The following MACROD2 variants were observed in gnomAD, a reference collection of about 807,000 sequenced individuals.
MACROD2 encodes the protein mono-ADP ribosylhydrolase 2.
Under a neutral mutation model 70.4 loss-of-function variants are expected in MACROD2, and 36 were observed. The observed-to-expected ratio is 0.51, with a 90% CI of 0.39 to 0.68. MACROD2 has a LOEUF of 0.68. Ranked by LOEUF, MACROD2 falls within the 30% of genes least tolerant of loss-of-function variation. The pLI is 0.00. For missense variants in MACROD2, 496 were observed against 538.4 expected (o/e 0.92, Z 0.78); for synonymous variants, 172 against 178.8 (o/e 0.96, Z 0.30).
At chr20:14,427,473 ATAT>A (rs1475648227) in intron 3 of MACROD2, among the ~76,000 whole-genome samples, 2 of 151,054 alleles carry the variant, frequency 1.3e-5, no homozygotes, top group Non-Finnish European at 2.9e-5. Context: ...CTAATATATA[ATAT>A]TAGATCAATA....
chr20:15,804,660 C>T (rs1250852527), intron 8 of MACROD2, among the ~76,000 whole-genome samples: 2 of 152,146 alleles, frequency 1.3e-5, no homozygotes, highest in Non-Finnish European at 2.9e-5. Context: ...ATCCCACCCA[C>T]ACATCTAGGT....
At chr20:15,085,877 C>CACACACACACA (rs766851263) in intron 5 of MACROD2, among the ~76,000 whole-genome samples, 14 of 103,032 alleles carry the variant, frequency 1.4e-4, no homozygotes, top group Admixed American at 3.7e-4. Flanking sequence ...ACACACAACA[C>CACACACACACA]ACACACACAC....
chr20:14,804,892 TGAGA>T (rs34257583), intron 5 of MACROD2, among the ~76,000 whole-genome samples: 60 of 148,666 alleles, frequency 4.0e-4, no homozygotes, highest in Non-Finnish European at 7.0e-4. Flanking sequence ...TGTGTGTGTG[TGAGA>T]GAGAGAGAGA....
intron 5 of MACROD2, among the ~76,000 whole-genome samples, chr20:15,053,857 A>C (rs1319547485): frequency 6.6e-6 from 1 of 152,232 alleles, no homozygotes; most frequent in Non-Finnish European, 1.5e-5. Flanking sequence ...GTTATTAAAA[A>C]CATTTGTGGT....
intron 8 of MACROD2, among the ~76,000 whole-genome samples, chr20:15,506,447 C>T (rs2047427009): frequency 6.6e-6 from 1 of 152,220 alleles, no homozygotes; most frequent in African/African-American, 2.4e-5. Flanking sequence ...TTCCTCATTA[C>T]TGATCACAAA....
intron 6 of MACROD2, among the ~76,000 whole-genome samples, chr20:15,337,714 G>T (rs1376540854): frequency 6.6e-6 from 1 of 151,620 alleles, no homozygotes; most frequent in Admixed American, 6.6e-5. Context: ...AAAAAAAAGA[G>T]AACAGTTCAT....
intron 5 of MACROD2, among the ~76,000 whole-genome samples, chr20:14,999,378 G>C (rs1226191669): frequency 6.6e-6 from 1 of 152,186 alleles, no homozygotes; most frequent in African/African-American, 2.4e-5. Flanking sequence ...GAACATATAG[G>C]CCAGGTGCCA....
chr20:14,717,254 A>G (rs1047187310), intron 5 of MACROD2, among the ~76,000 whole-genome samples: 9 of 152,314 alleles, frequency 5.9e-5, no homozygotes, highest in Non-Finnish European at 7.4e-5. Flanking sequence ...AGTTGTTTGC[A>G]TAATTGACAA....
intron 3 of MACROD2, among the ~76,000 whole-genome samples, chr20:14,110,126 C>T (rs546752700): frequency 1.3e-5 from 2 of 151,906 alleles, no homozygotes; most frequent in South Asian, 2.1e-4. Context: ...AGACAAAAAC[C>T]GTATGATCAT....
At chr20:14,849,645 G>A (rs1448189319) in intron 5 of MACROD2, among the ~76,000 whole-genome samples, 1 of 152,102 alleles carries the variant, frequency 6.6e-6, no homozygotes, top group African/African-American at 2.4e-5. Context: ...GCCGAGTGTG[G>A]TGGAGGGCGC....
chr20:14,918,959 A>G (rs1383830386), intron 5 of MACROD2, among the ~76,000 whole-genome samples: 1 of 152,038 alleles, frequency 6.6e-6, no homozygotes, highest in Non-Finnish European at 1.5e-5. Flanking sequence ...ACCCCCTGAG[A>G]CTCAAGGGAA....
rs558975819 is a variant in MACROD2, at chr20:14,123,283, T to C, written c.271+37555T>C. On this transcript the variant is annotated intron_variant, in intron 3 of 17. Coordinates refer to ENST00000684519, the MANE Select transcript of MACROD2 (RefSeq NM_001351661.2). ...CTGTTTTTGTCCTTGATAAATCATA[T>C]AGGACCTTTAGTTACCTCTCCAATT... Among the ~76,000 whole-genome samples, 8 of 152,342 alleles carry C rather than the reference T, an allele frequency of 5.3e-5. No individual in the cohort carries two copies. The East Asian group carries it at 9.6e-4, about 18-fold the overall frequency.
At chr20:14,436,990 T>C (rs997378003) in intron 3 of MACROD2, among the ~76,000 whole-genome samples, 5 of 152,186 alleles carry the variant, frequency 3.3e-5, no homozygotes, top group East Asian at 3.9e-4. Context: ...TTTTCACTTA[T>C]ACAAATAGCT....
intron 12 of MACROD2, among the ~76,000 whole-genome samples, chr20:15,944,211 G>A (rs915437137): frequency 3.3e-5 from 5 of 151,996 alleles, no homozygotes; most frequent in African/African-American, 1.2e-4. Flanking sequence ...ATTGATTTAC[G>A]AGGGAAAAGG....
At chr20:15,812,517 C>G (rs1455550664) in intron 8 of MACROD2, among the ~76,000 whole-genome samples, 2 of 151,956 alleles carry the variant, frequency 1.3e-5, no homozygotes, top group Non-Finnish European at 2.9e-5. Flanking sequence ...TATTTCTCCC[C>G]CTTGAGTTGA....
chr20:15,447,461 T>C (rs2046584321), intron 7 of MACROD2, among the ~76,000 whole-genome samples: 1 of 152,228 alleles, frequency 6.6e-6, no homozygotes, highest in South Asian at 2.1e-4. Context: ...GGGGCCACAG[T>C]GTTAGAGCTG....
chr20:14,424,278 C>T (rs755597707), intron 3 of MACROD2, among the ~76,000 whole-genome samples: 7 of 151,892 alleles, frequency 4.6e-5, no homozygotes, highest in Non-Finnish European at 1.0e-4. Flanking sequence ...ATTGTATCCC[C>T]CTTTTTTAAA....
intron 3 of MACROD2, among the ~76,000 whole-genome samples, chr20:14,181,687 C>T (rs1020950699): frequency 6.6e-6 from 1 of 151,892 alleles, no homozygotes; most frequent in South Asian, 2.1e-4. Context: ...CTTTTCATCT[C>T]TATAAATTGG....
chr20:14,412,260 C>G (rs941861462), intron 3 of MACROD2, among the ~76,000 whole-genome samples: 1 of 152,160 alleles, frequency 6.6e-6, no homozygotes, highest in African/African-American at 2.4e-5. Flanking sequence ...TCCCGTCCCC[C>G]CTAGGCCCTT....
Sources: gnomAD v4.1 joint callset for allele counts (sites outside exome capture counted in the v4.1 genomes callset) on GRCh38, gnomAD v4.1.1 for gene constraint, MANE v1.5 for transcripts, NCBI Gene and HGNC (gene_info 2026-07-23, HGNC 2026-07-21) for gene names.